Variants in ESRRG observed in about 807,000 individuals in gnomAD.
ESRRG encodes estrogen-related receptor gamma.
In ESRRG, 13 loss-of-function variants were observed where a neutral mutation model predicts 44.0. The ratio of observed to expected loss-of-function variants is 0.30; its 90% CI spans 0.19 to 0.47. The LOEUF is 0.47. Ranked by LOEUF, ESRRG falls within the 20% of genes least tolerant of loss-of-function variation. The pLI is 1.00. For synonymous variants in ESRRG, 215 were observed against 214.6 expected, an observed-to-expected ratio of 1.00 and a Z score of -0.02; for missense variants, 395 against 580.6, an observed-to-expected ratio of 0.68 and a Z score of 3.29.
Position 217,076,306 on chromosome 1 carries a change from C to T in ESRRG, c.-106+13201G>A, listed in dbSNP as rs556647897. 4.2e-4 allele frequency among the ~76,000 whole-genome samples: 64 copies of T among 152,306 alleles called. No individual in the cohort carries two copies. The Middle Eastern group carries it at 0.014, about 32-fold the overall frequency. ...ACACGGCTATGCTTCCAAATGTCCC[C>T]TTTCCCCCCAGATTTGGCTACTAGA... On this transcript the variant is annotated intron_variant, in intron 1 of 7. Coordinates refer to the ESRRG transcript ENST00000359162.
At chr1:216,646,723 G>A (rs1452961077) in intron 3 of ESRRG, among the ~76,000 whole-genome samples, 2 of 152,096 alleles carry the variant, frequency 1.3e-5, no homozygotes, top group East Asian at 1.9e-4. Flanking sequence ...TTTTACAGAT[G>A]ACAAAATAGG....
chr1:216,613,635 C>T (rs2060979779), intron 3 of ESRRG, among the ~76,000 whole-genome samples: 1 of 152,122 alleles, frequency 6.6e-6, no homozygotes, highest in African/African-American at 2.4e-5. Context: ...TGCCTCTCTA[C>T]GTATACCAAT....
intron 3 of ESRRG, among the ~76,000 whole-genome samples, chr1:216,613,785 A>C (rs1435004264): frequency 6.6e-6 from 1 of 152,216 alleles, no homozygotes; most frequent in Non-Finnish European, 1.5e-5. Flanking sequence ...ACGTTCGAAA[A>C]CTAACAATGG....
At chr1:216,905,231 A>G (rs1437575937) in intron 2 of ESRRG, among the ~76,000 whole-genome samples, 1 of 152,122 alleles carries the variant, frequency 6.6e-6, no homozygotes, top group East Asian at 1.9e-4. Flanking sequence ...GCTGAATGCA[A>G]TCGGGTCTCA....
intron 2 of ESRRG, among the ~76,000 whole-genome samples, chr1:216,933,707 C>A (rs2149850484): frequency 6.6e-6 from 1 of 152,316 alleles, no homozygotes; most frequent in African/African-American, 2.4e-5. Flanking sequence ...TCATATCATT[C>A]AATTTTTAAG....
chr1:217,103,521 G>C (rs1293529461), intron 1 of ESRRG, among the ~76,000 whole-genome samples: 2 of 151,706 alleles, frequency 1.3e-5, no homozygotes, highest in Admixed American at 1.3e-4. Context: ...GCCAAGCATG[G>C]TGGCATGTGC....
Position 216,923,074 on chromosome 1 carries a change from T to C in ESRRG, c.-14+16508A>G, listed in dbSNP as rs2062039408. On this transcript the variant is annotated intron_variant, in intron 2 of 7. Transcript: ENST00000359162. ...CTTTAATCACTGTTAGTAGGTAAAATCATCTGTGACAACTAATCCAAAAAG... is the reference window on the plus strand; with the variant it reads ...CTTTAATCACTGTTAGTAGGTAAAACCATCTGTGACAACTAATCCAAAAAG... Among the ~76,000 whole-genome samples the C allele has an allele frequency of 2.0e-5, 3 of 152,328 alleles. No individual in the cohort carries two copies. The South Asian group carries it at 6.2e-4, about 32-fold the overall frequency.
intron 1 of ESRRG, among the ~76,000 whole-genome samples, chr1:216,713,372 A>AG (rs1049919783): frequency 5.3e-5 from 8 of 152,054 alleles, no homozygotes; most frequent in African/African-American, 1.7e-4. Flanking sequence ...TGAAAAAAAA[A>AG]AAAAAAAGAT....
At chr1:216,850,815 G>A (rs2095831455) in intron 2 of ESRRG, among the ~76,000 whole-genome samples, 1 of 151,794 alleles carries the variant, frequency 6.6e-6, no homozygotes, top group Admixed American at 6.6e-5. Flanking sequence ...ATCTATTGAT[G>A]AATCATTTAC....
intron 2 of ESRRG, among the ~76,000 whole-genome samples, chr1:216,750,012 A>G (rs1576122241): frequency 6.6e-6 from 1 of 152,184 alleles, no homozygotes; most frequent in East Asian, 1.9e-4. Context: ...TGTTTTAAGC[A>G]TTTGGACAAT....
chr1:216,604,125 A>G (rs571031279), intron 3 of ESRRG, among the ~76,000 whole-genome samples: 1 of 152,310 alleles, frequency 6.6e-6, no homozygotes, highest in South Asian at 2.1e-4. Context: ...AAACCACAGT[A>G]GGCACTTCAA....
rs151075467 is a variant in ESRRG, at chr1:217,029,872, G to A, written c.-106+59635C>T. Among the ~76,000 whole-genome samples the A allele has an allele frequency of 1.3e-3, 201 of 152,290 alleles. 1 individual carries two copies. The highest frequency in any genetic ancestry group is 2.5e-3 in the Non-Finnish European group (171 of 68,010). On this transcript the variant is annotated intron_variant, in intron 1 of 7. Coordinates refer to the ESRRG transcript ENST00000359162. Reference sequence around the variant, plus strand: ...GAAAGGAATGGCTAAGGAAAGGCGCGGGTTTGAGGTTACTTATAAAGCAAT... The same window carrying A: ...GAAAGGAATGGCTAAGGAAAGGCGCAGGTTTGAGGTTACTTATAAAGCAAT...
upstream of ESRRG, among the ~76,000 whole-genome samples, chr1:216,724,415 T>G (rs1171372664): frequency 6.6e-6 from 1 of 151,410 alleles, no homozygotes; most frequent in Non-Finnish European, 1.5e-5. Flanking sequence ...CTAAAAGTAT[T>G]CTTAATTATA....
rs140552660 is a variant in ESRRG, at chr1:216,506,069, C to A, written c.*870G>T. 496 of 152,636 alleles carry A rather than the reference C, an allele frequency of 3.2e-3. 2 individuals are homozygous for A. Among genetic ancestry groups the A allele is most frequent in the South Asian group, 8.5e-3 (41 of 4,820 alleles). 9.5% of individuals were successfully genotyped at this position (152,636 alleles called of 1,614,324 possible). A position where few individuals can be genotyped will look rare whatever the true frequency, so the allele number is the denominator to read the frequency against. On this transcript the variant is annotated 3_prime_UTR_variant, in exon 7 of 7. Coordinates refer to ENST00000408911, the MANE Select transcript of ESRRG (RefSeq NM_001438.4). ...ATTCCCTGAAAAAGTTACATAGTAG[C>A]TAAACTAACAAATACCTGGAAGACT...
chr1:216,767,061 G>A (rs1417393088), intron 2 of ESRRG, among the ~76,000 whole-genome samples: 2 of 152,074 alleles, frequency 1.3e-5, no homozygotes, highest in African/African-American at 4.8e-5. Context: ...TGTTCTAACA[G>A]GCAAGAAAAC....
At chr1:216,746,461 C>A (rs539462662) in intron 2 of ESRRG, among the ~76,000 whole-genome samples, 1 of 152,150 alleles carries the variant, frequency 6.6e-6, no homozygotes, top group African/African-American at 2.4e-5. Flanking sequence ...AATAGTATGA[C>A]ATCCACATAA....
intron 3 of ESRRG, among the ~76,000 whole-genome samples, chr1:216,614,239 A>G (rs75630682): frequency 0.017 from 2,573 of 152,336 alleles, 79 homozygotes; most frequent in African/African-American, 0.058. Flanking sequence ...TCCCGCACTT[A>G]CAGATCAAAC....
chr1:216,977,786 G>A (rs1560336519), intron 1 of ESRRG, among the ~76,000 whole-genome samples: 1 of 152,168 alleles, frequency 6.6e-6, no homozygotes. Flanking sequence ...AGCATTAAGA[G>A]GTGGGGTCTT....
upstream of ESRRG, chr1:216,723,488 G>A (rs1423394661): frequency 1.7e-6 from 1 of 595,576 alleles, no homozygotes; most frequent in Non-Finnish European, 3.0e-6. Flanking sequence ...TATGAAGTAG[G>A]GCTTTACATA....
Sources: gnomAD v4.1 joint callset for allele counts (sites outside exome capture counted in the v4.1 genomes callset) on GRCh38, gnomAD v4.1.1 for gene constraint, MANE v1.5 for transcripts, NCBI Gene and HGNC (gene_info 2026-07-23, HGNC 2026-07-21) for gene names.